Variants in EPHB1 observed in about 807,000 individuals in gnomAD.
The protein encoded by EPHB1 is EPH receptor B1.
In EPHB1, 30 loss-of-function variants were observed where a neutral mutation model predicts 94.4. That is an observed-to-expected ratio of 0.32 (90% CI 0.24 to 0.43). EPHB1 has a LOEUF of 0.43. EPHB1 is among the 20% of genes least tolerant of loss of function. The pLI is 1.00. For synonymous variants in EPHB1, 522 were observed against 489.1 expected (o/e 1.07, Z -0.89); for missense variants, 1,055 against 1,308.3 (o/e 0.81, Z 2.99).
intron 3 of EPHB1, among the ~76,000 whole-genome samples, chr3:134,956,656 C>G (rs552749359): frequency 1.3e-5 from 2 of 152,086 alleles, no homozygotes; most frequent in East Asian, 3.9e-4. Flanking sequence ...AAACTTGCTA[C>G]GTGGTTTTAG....
At position 134,951,517 on chromosome 3, in the gene EPHB1, C is replaced by T. The variant is rs766628205; in HGVS notation, c.270C>T (p.Arg90=). 5.6e-6 allele frequency: 9 copies of T among 1,613,768 alleles called. No homozygotes were observed. Among genetic ancestry groups the T allele is most frequent in the Non-Finnish European group, 7.6e-6 (9 of 1,179,836 alleles). Residue 90 remains arginine (R), a synonymous_variant, in exon 3 of 16, where the codon CGC becomes CGT. Transcript: ENST00000398015. The surrounding 1 kb of genome is among the most constrained non-coding windows in gnomAD (Gnocchi z 4.5). ...CCCATCGCATCTACACAGAGATGCGCTTCACTGTGAGAGACTGCAGCAGCC... is the reference window on the plus strand; with the variant it reads ...CCCATCGCATCTACACAGAGATGCGTTTCACTGTGAGAGACTGCAGCAGCC... ...RGAHRIYTEM[R]FTVRDCSSLP...
chr3:135,096,979 C>T (rs1938806257), intron 3 of EPHB1, among the ~76,000 whole-genome samples: 1 of 151,646 alleles, frequency 6.6e-6, no homozygotes, highest in Admixed American at 6.6e-5. Context: ...GCCTGTAGTC[C>T]CAGCTACTTT....
intron 2 of EPHB1, among the ~76,000 whole-genome samples, chr3:134,941,291 G>A (rs960356714): frequency 8.0e-5 from 12 of 149,968 alleles, no homozygotes; most frequent in Non-Finnish European, 1.2e-4. Flanking sequence ...ATTTTGACCA[G>A]TAATATTATT....
chr3:134,796,413 T>A (rs2035828230), intron 1 of EPHB1: 1 of 152,176 alleles, frequency 6.6e-6, no homozygotes, highest in Non-Finnish European at 1.5e-5. Context: ...CGGTCCTACC[T>A]AAAGTCTCCC....
At chr3:134,833,970 G>A (rs1416545189) in intron 1 of EPHB1, among the ~76,000 whole-genome samples, 1 of 152,162 alleles carries the variant, frequency 6.6e-6, no homozygotes, top group African/African-American at 2.4e-5. Flanking sequence ...ACCTTAGGCA[G>A]GGGAACCACT....
rs771907631 is a variant in EPHB1, at chr3:135,259,993, A to G, written c.*873A>G. The G allele has an allele frequency of 2.9e-4, 68 of 232,210 alleles. No homozygotes were observed. Among genetic ancestry groups the G allele is most frequent in the African/African-American group, 8.2e-4 (37 of 45,376 alleles). The allele number at this position is 232,210 out of a possible 1,614,324, so 14.4% of individuals were successfully genotyped here. A position where few individuals can be genotyped will look rare whatever the true frequency, so the allele number is the denominator to read the frequency against. ...TTGGTTTGGCTTTCTGGTTGGCCCA[A>G]TCGGCCTATTGGCTCAATGGGAAGA... On this transcript the variant is annotated 3_prime_UTR_variant, in exon 16 of 16. Transcript: ENST00000398015.
chr3:135,167,190 G>T (rs979475695), intron 9 of EPHB1, among the ~76,000 whole-genome samples, 184 bp downstream of exon 9: 1 of 152,168 alleles, frequency 6.6e-6, no homozygotes, highest in South Asian at 2.1e-4. Flanking sequence ...CCCATCTGCC[G>T]TCTACCTGTC....
intron 10 of EPHB1, among the ~76,000 whole-genome samples, chr3:135,182,064 T>C (rs550359950): frequency 5.3e-5 from 8 of 152,348 alleles, no homozygotes; most frequent in South Asian, 2.1e-4. Context: ...TAACTTACTA[T>C]GCATAACTTC....
intron 11 of EPHB1, among the ~76,000 whole-genome samples, chr3:135,194,949 C>G (rs933582907): frequency 3.3e-5 from 5 of 152,184 alleles, no homozygotes; most frequent in African/African-American, 1.2e-4. Flanking sequence ...TCTCACTGTC[C>G]TTGCTGCCAC....
chr3:135,081,537 A>T (rs1938164321), intron 3 of EPHB1, among the ~76,000 whole-genome samples: 1 of 152,094 alleles, frequency 6.6e-6, no homozygotes, highest in Non-Finnish European at 1.5e-5. Context: ...TACATAGAAA[A>T]AACCTGGAGG....
At chr3:134,812,458 T>C (rs532240608) in intron 1 of EPHB1, among the ~76,000 whole-genome samples, 1 of 152,386 alleles carries the variant, frequency 6.6e-6, no homozygotes, top group East Asian at 1.9e-4. Context: ...TTTCTTTTTA[T>C]TGCTGAGTAG....
Position 135,207,569 on chromosome 3 carries a change from A to G in EPHB1, c.2346+5880A>G, listed in dbSNP as rs539807110. Among the ~76,000 whole-genome samples the G allele has an allele frequency of 7.2e-5, 11 of 152,308 alleles. No homozygotes were observed. The South Asian group carries it at 2.3e-3, about 32-fold the overall frequency. On this transcript the variant is annotated intron_variant, in intron 12 of 15. Transcript: ENST00000398015. The stretch of plus-strand genomic sequence containing the variant: ...ATTACCAGCTGAAATAAGGGCCGCT[A>G]TGTTTTGCGAGAGCATGCATAAAAC...
Position 135,249,352 on chromosome 3 carries a change from C to G in EPHB1, c.2707C>G (p.Leu903Val). 1 of 1,612,832 alleles carries G rather than the reference C, an allele frequency of 6.2e-7. No homozygotes were observed. The highest frequency in any genetic ancestry group is 8.5e-7 in the Non-Finnish European group (1 of 1,179,392). The change falls in exon 15 of 16, where the codon CTC becomes GTC. Residue 903 changes from leucine to valine, a missense_variant. Leu to Val is a conservative substitution (Grantham distance 32). Coordinates refer to ENST00000398015, the MANE Select transcript of EPHB1 (RefSeq NM_004441.5). ...TITAVPSQPL[L>V]DRSIPDFTAF... Reference sequence around the variant, plus strand: ...TCTCACCAGGCCTTCCCAGCCCCTGCTCGACCGCTCCATCCCAGACTTCAC... The same window carrying G: ...TCTCACCAGGCCTTCCCAGCCCCTGGTCGACCGCTCCATCCCAGACTTCAC...
chr3:135,029,100 A>C (rs1437517941), intron 3 of EPHB1, among the ~76,000 whole-genome samples: 12 of 98,594 alleles, frequency 1.2e-4, no homozygotes, highest in Non-Finnish European at 2.5e-4. Context: ...CCATCCTTTT[A>C]TTTTGAGCCT....
intron 6 of EPHB1, among the ~76,000 whole-genome samples, chr3:135,160,329 A>G (rs892452283): frequency 3.3e-5 from 5 of 152,224 alleles, no homozygotes; most frequent in African/African-American, 9.6e-5. Flanking sequence ...TTATCACTGT[A>G]CTGTATTCTT....
At chr3:135,010,537 T>C (rs1935582347) in intron 3 of EPHB1, among the ~76,000 whole-genome samples, 1 of 149,514 alleles carries the variant, frequency 6.7e-6, no homozygotes, top group African/African-American at 2.5e-5. Flanking sequence ...AGGTGGGCCC[T>C]GAGGGTCTGT....
chr3:135,205,264 C>T lies in EPHB1; in HGVS notation c.2346+3575C>T, dbSNP rs188863876. The stretch of plus-strand genomic sequence containing the variant: ...GGATTTGTGTTTTCTATTGTTTGTA[C>T]GTGTCCTTATCTATTTTTCTATCGG... On this transcript the variant is annotated intron_variant, in intron 12 of 15. Coordinates refer to ENST00000398015, the MANE Select transcript of EPHB1 (RefSeq NM_004441.5). Among the ~76,000 whole-genome samples, 762 of 152,138 alleles carry T rather than the reference C, an allele frequency of 5.0e-3. 6 individuals carry two copies. The highest frequency in any genetic ancestry group is 0.017 in the African/African-American group (715 of 41,508).
chr3:135,178,310 G>A (rs895561333), intron 9 of EPHB1, among the ~76,000 whole-genome samples: 4 of 151,390 alleles, frequency 2.6e-5, no homozygotes, highest in Non-Finnish European at 5.9e-5. Flanking sequence ...ACAAAAATTA[G>A]CTAGGCGTGG....
intron 5 of EPHB1, 56 bp from the exon 6 acceptor site, chr3:135,154,096 C>A: frequency 6.2e-7 from 1 of 1,607,416 alleles, no homozygotes; most frequent in Middle Eastern, 1.7e-4. Flanking sequence ...GGAAGATGGC[C>A]CTTCCCCTAT....
Sources: gnomAD v4.1 joint callset for allele counts (sites outside exome capture counted in the v4.1 genomes callset) on GRCh38, gnomAD v4.1.1 for gene constraint, Gnocchi (gnomAD v3.1) non-coding constraint, MANE v1.5 for transcripts, NCBI Gene and HGNC (gene_info 2026-07-23, HGNC 2026-07-21) for gene names.